VCPKMT: variants seen among roughly 807,000 people sequenced by gnomAD.
VCPKMT encodes valosin containing protein lysine methyltransferase, also known as protein N-lysine methyltransferase METTL21D.
Under a neutral mutation model 28.6 loss-of-function variants are expected in VCPKMT, and 32 were observed. The ratio of observed to expected loss-of-function variants is 1.12; its 90% CI spans 0.84 to 1.50. The LOEUF (loss-of-function observed/expected upper bound fraction) is 1.50. Ranked by LOEUF, VCPKMT falls within the 40% of genes most tolerant of loss-of-function variation. The pLI is 0.00. For synonymous variants in VCPKMT, 138 were observed against 111.4 expected (o/e 1.24, Z -1.50); for missense variants, 366 against 285.0 (o/e 1.28, Z -2.05).
rs1407495021 is a variant in VCPKMT, at chr14:50,116,376, A to G, written c.177T>C (p.Ser59=). The change falls in exon 1 of 6, where the codon TCT becomes TCC. Residue 59 remains serine, a synonymous_variant. Transcript: ENST00000395860. ...GGCTCAGCGCGTGGGCCCCGTCGCC[A>G]GAAAACTCGGGCGTTTCCAGGTATT... ...LSKYLETPEF[S]GDGAHALSRR... 3 of 1,613,626 alleles carry G rather than the reference A, an allele frequency of 1.9e-6. No individual in the cohort carries two copies. The highest frequency in any genetic ancestry group is 2.2e-5 in the South Asian group (2 of 91,056).
chr14:50,106,430 A>C (rs1439868259), downstream of VCPKMT: 1 of 428,856 alleles, frequency 2.3e-6, no homozygotes, highest in Non-Finnish European at 3.1e-6. Flanking sequence ...AGCCCCAGCT[A>C]GTGGCATCAC....
chr14:50,103,149 C>A, the VCPKMT span, among the ~76,000 whole-genome samples: 1 of 152,150 alleles, frequency 6.6e-6, no homozygotes, highest in African/African-American at 2.4e-5. Context: ...GATTGCACAC[C>A]CCTTCTGAAG....
At chr14:50,114,226 C>A in intron 4 of VCPKMT, 59 bp downstream of exon 4, 2 of 1,394,114 alleles carry the variant, frequency 1.4e-6, no homozygotes, top group South Asian at 3.9e-5. Flanking sequence ...CTTGAAGAGT[C>A]ACATACAGCC....
At chr14:50,105,058 C>T (rs1186504395), downstream of VCPKMT, among the ~76,000 whole-genome samples, 1 of 151,820 alleles carries the variant, frequency 6.6e-6, no homozygotes, top group African/African-American at 2.4e-5. Flanking sequence ...TAATTTCGTT[C>T]ACCTTTAAAA....
In VCPKMT at chr14:50,109,486, C is replaced by G. The variant is rs533403237; in HGVS notation, c.*213G>C. The G allele has an allele frequency of 9.3e-6, 12 of 1,287,116 alleles. No individual in the cohort carries two copies. Among genetic ancestry groups the G allele is most frequent in the Middle Eastern group, 2.9e-4 (1 of 3,396 alleles). The allele number at this position is 1,287,116 out of a possible 1,614,324, so 79.7% of individuals were successfully genotyped here. A position where few individuals can be genotyped will look rare whatever the true frequency, so the allele number is the denominator to read the frequency against. On this transcript the variant is annotated 3_prime_UTR_variant, in exon 6 of 6. Coordinates refer to ENST00000395860, the MANE Select transcript of VCPKMT (RefSeq NM_024558.3). ...TTGATGCTGAACTAAGTAACCTAAG[C>G]TGGATTCAGGGCCATTGGCAGGCAG...
At chr14:50,107,137 C>T (rs547286604), downstream of VCPKMT, among the ~76,000 whole-genome samples, 1 of 152,228 alleles carries the variant, frequency 6.6e-6, no homozygotes, top group African/African-American at 2.4e-5. Flanking sequence ...TCTTCCAGAG[C>T]TCCCCAGCTG....
rs1429453396 is a variant in VCPKMT at position 50,108,756 on chromosome 14, GATT to G, written c.*940_*942del. ...ACAAGTATGATTAAAGTCCTTGACAGATTATTGTATATGAGCGAATGGCTTCAT... is the reference window on the plus strand; with the variant it reads ...ACAAGTATGATTAAAGTCCTTGACAGATTGTATATGAGCGAATGGCTTCAT... On this transcript the variant is annotated 3_prime_UTR_variant, in exon 6 of 6. Coordinates refer to ENST00000395860, the MANE Select transcript of VCPKMT (RefSeq NM_024558.3). The G allele has an allele frequency of 1.0e-6, 1 of 985,700 alleles. No individual in the cohort carries two copies. The highest frequency in any genetic ancestry group is 1.7e-5 in the African/African-American group (1 of 57,244). The allele number at this position is 985,700 out of a possible 1,614,324, so 61.1% of individuals were successfully genotyped here.
At chr14:50,106,971 T>C (rs961385961), downstream of VCPKMT, among the ~76,000 whole-genome samples, 2 of 152,224 alleles carry the variant, frequency 1.3e-5, no homozygotes, top group Non-Finnish European at 1.5e-5. Context: ...CTGCCTGCCT[T>C]GGCCTCCCAA....
intron 5 of VCPKMT, chr14:50,111,479 G>C (rs1404434793): frequency 1.0e-6 from 1 of 985,274 alleles, no homozygotes; most frequent in Admixed American, 6.2e-5. Flanking sequence ...AAGCAAAGAT[G>C]ATAGAAAAAG....
In VCPKMT at chr14:50,114,466, G is replaced by A. The variant is rs534339038; in HGVS notation, c.451-62C>T. 6.5e-5 allele frequency: 80 copies of A among 1,223,258 alleles called. No individual in the cohort carries two copies. The African/African-American group carries it at 1.1e-3, about 17-fold the overall frequency. 75.8% of individuals were successfully genotyped at this position (1,223,258 alleles called of 1,614,324 possible). ...AAAAATTTTTCTACTCTAAAAGTAGGTTGAGGAGGTACAGGGGTATTTATA... is the reference window on the plus strand; with the variant it reads ...AAAAATTTTTCTACTCTAAAAGTAGATTGAGGAGGTACAGGGGTATTTATA... On this transcript the variant is annotated intron_variant, in intron 3 of 5. Transcript: ENST00000395860.
intron 4 of VCPKMT, 104 bp downstream of exon 4, chr14:50,114,181 A>G: frequency 8.7e-7 from 1 of 1,148,130 alleles, no homozygotes; most frequent in Non-Finnish European, 1.2e-6. Flanking sequence ...TCACACAAAC[A>G]GCATGTTTTC....
At chr14:50,111,711 C>G in intron 5 of VCPKMT, 1 of 727,086 alleles carries the variant, frequency 1.4e-6, no homozygotes, top group Non-Finnish European at 1.7e-6. Context: ...AACCCTGTCT[C>G]AACAACAACA....
intron 3 of VCPKMT, 108 bp downstream of exon 3, chr14:50,115,731 G>C: frequency 7.6e-7 from 1 of 1,313,480 alleles, no homozygotes. Flanking sequence ...CAACTATAAG[G>C]CAAATCCCGG....
intron 5 of VCPKMT, among the ~76,000 whole-genome samples, chr14:50,110,624 AAC>A (rs1882577621): frequency 1.3e-5 from 2 of 152,228 alleles, no homozygotes; most frequent in Admixed American, 1.3e-4. Flanking sequence ...GTAGATTAGG[AAC>A]ACAGTTTGGC....
intron 5 of VCPKMT, among the ~76,000 whole-genome samples, chr14:50,112,393 G>GAAAAA (rs1491164359): frequency 1.8e-5 from 1 of 56,416 alleles, no homozygotes; most frequent in African/African-American, 6.7e-5. Context: ...TAAAAAATAC[G>GAAAAA]AGAAAAAAAA....
intron 4 of VCPKMT, among the ~76,000 whole-genome samples, chr14:50,112,936 C>T (rs1317985354): frequency 3.3e-5 from 5 of 152,094 alleles, no homozygotes; most frequent in South Asian, 2.1e-4. Context: ...TACAGGCAAA[C>T]GACACCACAC....
chr14:50,115,431 G>C (rs959778248), intron 3 of VCPKMT, among the ~76,000 whole-genome samples: 1 of 152,168 alleles, frequency 6.6e-6, no homozygotes, highest in Non-Finnish European at 1.5e-5. Context: ...GATTACAGGC[G>C]TGAGCCACCG....
intron 1 of VCPKMT, 52 bp downstream of exon 1, chr14:50,116,235 A>G: frequency 6.2e-7 from 1 of 1,611,974 alleles, no homozygotes; most frequent in Non-Finnish European, 8.5e-7. Flanking sequence ...TGTAATCCGG[A>G]TTTCCCCAGC....
chr14:50,112,804 T>C lies in VCPKMT; in HGVS notation c.571-85A>G. The C allele has an allele frequency of 4.3e-6, 4 of 921,644 alleles. No individual in the cohort carries two copies. The Admixed American group carries it at 1.1e-4, about 24-fold the overall frequency. 57.1% of individuals were successfully genotyped at this position (921,644 alleles called of 1,614,324 possible). ...AGAAGTCAGAATGCTGGTTACTTTT[T>C]TTTTGAGAGTCTCACTCTGTCACCC... On this transcript the variant is annotated intron_variant, in intron 4 of 5. Coordinates refer to ENST00000395860, the MANE Select transcript of VCPKMT (RefSeq NM_024558.3).
Sources: gnomAD v4.1 joint callset for allele counts (sites outside exome capture counted in the v4.1 genomes callset) on GRCh38, gnomAD v4.1.1 for gene constraint, MANE v1.5 for transcripts, NCBI Gene and HGNC (gene_info 2026-07-23, HGNC 2026-07-21) for gene names.